The following FNDC1 variants were observed in gnomAD, a reference collection of about 807,000 sequenced individuals.
FNDC1 encodes fibronectin type III domain containing 1.
FNDC1 carries 96 observed loss-of-function variants against 168.0 expected under a neutral mutation model. That is an observed-to-expected ratio of 0.57 (90% CI 0.48 to 0.68). The LOEUF is 0.68. Ranked by LOEUF, FNDC1 falls within the 30% of genes least tolerant of loss-of-function variation. FNDC1 has a pLI of 0.00. For missense variants in FNDC1, 2,587 were observed against 2,482.1 expected (o/e 1.04, Z -0.90); for synonymous variants, 1,099 against 1,025.9 (o/e 1.07, Z -1.36).
chr6:159,219,626 A>G (rs60792138), intron 5 of FNDC1, among the ~76,000 whole-genome samples: 4,056 of 152,270 alleles, frequency 0.027, 190 homozygotes, highest in African/African-American at 0.094. Context: ...AGCTTAGCAC[A>G]GGGGAGAGCT....
chr6:159,264,392 C>T (rs570377727), intron 19 of FNDC1, among the ~76,000 whole-genome samples: 22 of 152,302 alleles, frequency 1.4e-4, no homozygotes, highest in African/African-American at 5.1e-4. Context: ...TGAGATTCAT[C>T]CAAAACATTG....
chr6:159,235,832 C>A (rs1783240113), intron 11 of FNDC1, among the ~76,000 whole-genome samples: 1 of 152,222 alleles, frequency 6.6e-6, no homozygotes, highest in Non-Finnish European at 1.5e-5. Flanking sequence ...AAAAGTGGGA[C>A]AGCATCTAGT....
chr6:159,173,637 C>T (rs776899199), intron 1 of FNDC1, among the ~76,000 whole-genome samples: 4 of 152,172 alleles, frequency 2.6e-5, no homozygotes, highest in Non-Finnish European at 4.4e-5. Flanking sequence ...TCTAAAGGCC[C>T]GTTCCCTGAA....
intron 4 of FNDC1, among the ~76,000 whole-genome samples, chr6:159,204,686 G>A (rs1215786789): frequency 6.6e-6 from 1 of 152,190 alleles, no homozygotes; most frequent in Non-Finnish European, 1.5e-5. Context: ...TTCTCTGTCT[G>A]CCATGCTGAT....
chr6:159,213,551 G>A (rs980021803), intron 4 of FNDC1, among the ~76,000 whole-genome samples: 4 of 152,148 alleles, frequency 2.6e-5, no homozygotes, highest in African/African-American at 9.7e-5. Flanking sequence ...CAGACACACG[G>A]CTGGGAAGGT....
chr6:159,183,794 G>T (rs567906890), intron 1 of FNDC1, among the ~76,000 whole-genome samples: 1 of 152,144 alleles, frequency 6.6e-6, no homozygotes, highest in African/African-American at 2.4e-5. Flanking sequence ...CACTGTTGTC[G>T]GACATAGAGT....
At chr6:159,250,352 T>C (rs1012875172) in intron 16 of FNDC1, among the ~76,000 whole-genome samples, 3 of 152,352 alleles carry the variant, frequency 2.0e-5, no homozygotes, top group Admixed American at 2.0e-4. Flanking sequence ...AGTTTCATTA[T>C]TTGCCCAAAA....
rs546270056 is a variant in FNDC1, at chr6:159,221,540, G to A, written c.668-58G>A. The A allele has an allele frequency of 1.6e-4, 223 of 1,355,622 alleles. No individual in the cohort carries two copies. The African/African-American group carries it at 2.8e-3, about 17-fold the overall frequency. 84.0% of individuals were successfully genotyped at this position (1,355,622 alleles called of 1,614,324 possible). On this transcript the variant is annotated intron_variant, in intron 5 of 22. Coordinates refer to ENST00000297267, the MANE Select transcript of FNDC1 (RefSeq NM_032532.3). ...CAGAACCCCCGCTCCAGCCCCAGGG[G>A]ATGTGTGTTCCTGAGAAATGGAAGT...
intron 22 of FNDC1, among the ~76,000 whole-genome samples, chr6:159,270,579 A>G (rs1422329177): frequency 6.6e-6 from 1 of 152,174 alleles, no homozygotes. Context: ...GCAGGCAGCT[A>G]TTTATTTGGC....
chr6:159,176,794 G>A (rs1363103087), intron 1 of FNDC1, among the ~76,000 whole-genome samples: 1 of 152,156 alleles, frequency 6.6e-6, no homozygotes, highest in Non-Finnish European at 1.5e-5. Flanking sequence ...ACTGCATGAG[G>A]CTCTGGCCAG....
At chr6:159,224,410 T>TAACTTTTC (rs1456968342) in intron 7 of FNDC1, among the ~76,000 whole-genome samples, 3 of 152,216 alleles carry the variant, frequency 2.0e-5, no homozygotes, top group Non-Finnish European at 2.9e-5. Context: ...TATTATATAT[T>TAACTTTTC]AACTTTTCAA....
chr6:159,235,881 C>T (rs1332529541), intron 11 of FNDC1, among the ~76,000 whole-genome samples: 4 of 152,214 alleles, frequency 2.6e-5, no homozygotes, highest in African/African-American at 9.6e-5. Flanking sequence ...TCCAATCCTT[C>T]CTTCCTCCAA....
At chr6:159,188,600 G>A (rs370368529) in intron 1 of FNDC1, among the ~76,000 whole-genome samples, 2 of 151,384 alleles carry the variant, frequency 1.3e-5, no homozygotes, top group Admixed American at 6.6e-5. Context: ...GGATGGTCTC[G>A]ATCTCCTGAC....
At chr6:159,176,966 G>C (rs1781773685) in intron 1 of FNDC1, among the ~76,000 whole-genome samples, 1 of 152,144 alleles carries the variant, frequency 6.6e-6, no homozygotes, top group African/African-American at 2.4e-5. Context: ...TTCTGAAATG[G>C]CTCGTATGTT....
intron 4 of FNDC1, among the ~76,000 whole-genome samples, chr6:159,213,610 T>C (rs577969285): frequency 6.6e-6 from 1 of 152,158 alleles, no homozygotes; most frequent in African/African-American, 2.4e-5. Flanking sequence ...CTCTGCTCAA[T>C]GATTTATGTT....
At chr6:159,209,828 C>A (rs986502173) in intron 4 of FNDC1, among the ~76,000 whole-genome samples, 13 of 152,074 alleles carry the variant, frequency 8.5e-5, no homozygotes, top group Non-Finnish European at 1.9e-4. Flanking sequence ...GCTTTTAAGA[C>A]CTCTTCTTCC....
At chr6:159,236,487 G>T (rs1443881614) in intron 12 of FNDC1, among the ~76,000 whole-genome samples, 172 bp downstream of exon 12, 1 of 152,180 alleles carries the variant, frequency 6.6e-6, no homozygotes, top group African/African-American at 2.4e-5. Context: ...AAAATCTGTG[G>T]TTCTCCTGGT....
intron 16 of FNDC1, among the ~76,000 whole-genome samples, chr6:159,249,619 CTT>C (rs1489538895): frequency 6.6e-6 from 1 of 152,156 alleles, no homozygotes; most frequent in Non-Finnish European, 1.5e-5. Flanking sequence ...GAAGGGGAAG[CTT>C]TTTTCTTTAG....
At chr6:159,231,735 G>A in intron 10 of FNDC1, 147 bp from the exon 11 acceptor site, 1 of 599,556 alleles carries the variant, frequency 1.7e-6, no homozygotes, top group Non-Finnish European at 2.8e-6. Flanking sequence ...GAGAAAACAC[G>A]TTTCCAGTGT....
Sources: gnomAD v4.1 joint callset for allele counts (sites outside exome capture counted in the v4.1 genomes callset) on GRCh38, gnomAD v4.1.1 for gene constraint, MANE v1.5 for transcripts, NCBI Gene and HGNC (gene_info 2026-07-23, HGNC 2026-07-21) for gene names.